ZNF83: variants seen among roughly 807,000 people sequenced by gnomAD.
The protein encoded by ZNF83 is zinc finger protein 83.
For missense variants in ZNF83, 552 were observed against 629.9 expected (o/e 0.88, Z 1.32); for synonymous variants, 209 against 213.0 (o/e 0.98, Z 0.17).
At chr19:52,655,743 CA>C in intron 2 of ZNF83, 1 of 720,638 alleles carries the variant, frequency 1.4e-6, no homozygotes, top group Non-Finnish European at 2.4e-6. Flanking sequence ...TACCTTCACA[CA>C]AAATGAGAAA....
At chr19:52,637,690 G>T (rs187959455) in intron 1 of ZNF83, among the ~76,000 whole-genome samples, 2 of 152,280 alleles carry the variant, frequency 1.3e-5, no homozygotes, top group Non-Finnish European at 2.9e-5. Flanking sequence ...GTTTGGATAA[G>T]ACGCCTGCAT....
intron 1 of ZNF83, among the ~76,000 whole-genome samples, chr19:52,637,801 A>G (rs971617909): frequency 1.3e-5 from 2 of 152,122 alleles, no homozygotes; most frequent in African/African-American, 4.8e-5. Flanking sequence ...GTTCAGGGGA[A>G]GAGGTGACTG....
Position 52,687,660 on chromosome 19 carries a change from G to GTA in ZNF83, c.-283+2781_-283+2782dup, listed in dbSNP as rs150866205. ...ATATATATATATATATATATATAAT[G>GTA]TATATATATATATAACTAGCCGGGC... On this transcript the variant is annotated intron_variant, in intron 1 of 5. Coordinates refer to the ZNF83 transcript ENST00000594682. Among the ~76,000 whole-genome samples the GTA allele has an allele frequency of 7.2e-4, 9 of 12,516 alleles. 2 individuals are homozygous for GTA. The highest frequency in any genetic ancestry group is 2.4e-3 in the African/African-American group (3 of 1,238). 8.2% of individuals were successfully genotyped at this position (12,516 alleles called of 152,430 possible).
exon 3 of ZNF83, chr19:52,614,447 A>T (rs1370689364): frequency 1.2e-6 from 2 of 1,613,244 alleles, no homozygotes; most frequent in South Asian, 2.2e-5. Flanking sequence ...ATGTGATCAT[A>T]TTTATATATT....
intron 1 of ZNF83, among the ~76,000 whole-genome samples, chr19:52,688,093 T>TTA (rs1281510837): frequency 6.6e-6 from 1 of 152,058 alleles, no homozygotes; most frequent in East Asian, 1.9e-4. Context: ...AATTATTAGA[T>TTA]TATATACACA....
intron 2 of ZNF83, among the ~76,000 whole-genome samples, chr19:52,622,141 C>T (rs2060572923): frequency 6.6e-6 from 1 of 152,046 alleles, no homozygotes; most frequent in Non-Finnish European, 1.5e-5. Context: ...ACCTCCCCTC[C>T]CCACACCCAG....
rs182866081 is a variant in ZNF83 at position 52,677,927 on chromosome 19, C to T, written c.-283+12516G>A. On this transcript the variant is annotated intron_variant, in intron 1 of 5. Transcript: ENST00000594682. ...GCACGTGCCCATCATCCCAGCTGCT[C>T]GGGAGGCTGAGGCAGGAGAATTGCT... is the stretch of plus-strand genomic sequence containing the variant. 4.0e-3 allele frequency among the ~76,000 whole-genome samples: 609 copies of T among 151,748 alleles called. 4 individuals carry two copies. Among genetic ancestry groups the T allele is most frequent in the African/African-American group, 0.014 (583 of 41,298 alleles).
chr19:52,678,278 C>T (rs149792236), intron 1 of ZNF83, among the ~76,000 whole-genome samples: 7 of 151,286 alleles, frequency 4.6e-5, no homozygotes, highest in Non-Finnish European at 7.4e-5. Context: ...TGGTGAAACC[C>T]CGTCTTACTA....
Position 52,654,711 on chromosome 19 carries a change from C to T in ZNF83, c.-74+850G>A, listed in dbSNP as rs190599805. Reference sequence around the variant, plus strand: ...CAGCCTGGGCAACAAGAGCAAAATTCCATGTCAAACAGAGTTCAGTCAAGA... The same window carrying T: ...CAGCCTGGGCAACAAGAGCAAAATTTCATGTCAAACAGAGTTCAGTCAAGA... On this transcript the variant is annotated intron_variant, in intron 3 of 5. Coordinates refer to the ZNF83 transcript ENST00000594682. Among the ~76,000 whole-genome samples, 4 of 151,380 alleles carry T rather than the reference C, an allele frequency of 2.6e-5. No homozygotes were observed. The East Asian group carries it at 7.9e-4, about 30-fold the overall frequency.
chr19:52,632,244 G>A (rs1344250552), intron 2 of ZNF83, among the ~76,000 whole-genome samples: 1 of 152,028 alleles, frequency 6.6e-6, no homozygotes, highest in South Asian at 2.1e-4. Context: ...AACCCTTATG[G>A]TCCTCCATCT....
At chr19:52,635,750 T>C (rs1178701385) in intron 1 of ZNF83, 2 of 151,952 alleles carry the variant, frequency 1.3e-5, no homozygotes, top group Non-Finnish European at 2.9e-5. Context: ...ATACTAGCAC[T>C]CTGAAAGGCC....
At chr19:52,625,505 C>T (rs1450760463) in intron 2 of ZNF83, among the ~76,000 whole-genome samples, 2 of 152,184 alleles carry the variant, frequency 1.3e-5, no homozygotes, top group African/African-American at 4.8e-5. Context: ...TGGAATTCCC[C>T]TGGGGAACTT....
chr19:52,664,505 AAAG>A (rs577576057), intron 1 of ZNF83, among the ~76,000 whole-genome samples: 69 of 152,230 alleles, frequency 4.5e-4, no homozygotes, highest in South Asian at 1.7e-3. Flanking sequence ...CCAATTAAAA[AAAG>A]AAGAAGAAGG....
At chr19:52,652,575 A>G (rs564218370) in intron 3 of ZNF83, 3 of 434,394 alleles carry the variant, frequency 6.9e-6, no homozygotes, top group African/African-American at 4.1e-5. Flanking sequence ...TCTTTCCAGT[A>G]TGAGTTCACT....
exon 3 of ZNF83, chr19:52,614,205 T>C (rs2060223742): frequency 1.9e-6 from 3 of 1,614,126 alleles, no homozygotes. Flanking sequence ...CACATTTAAA[T>C]TGCGTCTCTT....
chr19:52,676,314 C>T (rs1008877427), intron 1 of ZNF83, among the ~76,000 whole-genome samples: 3 of 152,118 alleles, frequency 2.0e-5, no homozygotes, highest in Non-Finnish European at 4.4e-5. Flanking sequence ...GTGCAGTGGC[C>T]TGATCTCGGC....
intron 2 of ZNF83, chr19:52,655,820 A>C (rs1008466620): frequency 1.9e-6 from 1 of 518,782 alleles, no homozygotes; most frequent in Non-Finnish European, 3.4e-6. Context: ...GGTATTTTTG[A>C]ACATTTCTTT....
intron 2 of ZNF83, among the ~76,000 whole-genome samples, chr19:52,625,355 T>A (rs537328771): frequency 1.3e-5 from 2 of 152,274 alleles, no homozygotes; most frequent in South Asian, 4.1e-4. Flanking sequence ...TCCTCCATCA[T>A]TAATGCCTCC....
rs368662509 is a variant in ZNF83, at chr19:52,687,655, A to G, written c.-283+2788T>C. 7.3e-3 allele frequency among the ~76,000 whole-genome samples: 111 copies of G among 15,228 alleles called. 6 individuals carry two copies. The highest frequency in any genetic ancestry group is 0.056 in the African/African-American group (75 of 1,334). 10.0% of individuals were successfully genotyped at this position (15,228 alleles called of 152,430 possible). On this transcript the variant is annotated intron_variant, in intron 1 of 5. Transcript: ENST00000594682. ...AATGTATATATATATATATATATAT[A>G]TAATGTATATATATATATAACTAGC...
Sources: gnomAD v4.1 joint callset for allele counts (sites outside exome capture counted in the v4.1 genomes callset) on GRCh38, gnomAD v4.1.1 for gene constraint, MANE v1.5 for transcripts, NCBI Gene and HGNC (gene_info 2026-07-23, HGNC 2026-07-21) for gene names.